SMC3: variants seen among roughly 807,000 people sequenced by gnomAD.
SMC3 encodes structural maintenance of chromosomes 3.
Under a neutral mutation model 171.8 loss-of-function variants are expected in SMC3, and 20 were observed. The ratio of observed to expected loss-of-function variants is 0.12; its 90% confidence interval spans 0.08 to 0.17. The LOEUF is 0.17. Ranked by LOEUF, SMC3 falls within the 10% of genes least tolerant of loss-of-function variation. The pLI, the probability that SMC3 is intolerant of heterozygous loss-of-function variation, is 1.00. For synonymous variants in SMC3, 464 were observed against 451.1 expected (o/e 1.03, Z -0.36); for missense variants, 543 against 1,420.4 (o/e 0.38, Z 9.93).
intron 2 of SMC3, among the ~76,000 whole-genome samples, chr10:110,572,817 C>T (rs929718085): frequency 2.6e-5 from 4 of 151,992 alleles, no homozygotes; most frequent in African/African-American, 7.3e-5. Flanking sequence ...TTTGGTAATT[C>T]TCCTCCTTCC....
chr10:110,601,034 C>T lies in SMC3; in HGVS notation c.2548C>T (p.Leu850=). 2 of 1,612,634 alleles carry T rather than the reference C, an allele frequency of 1.2e-6. No homozygotes were observed. Among genetic ancestry groups the T allele is most frequent in the Non-Finnish European group, 1.7e-6 (2 of 1,178,906 alleles). The change falls in exon 23 of 29, where the codon CTG becomes TTG. Residue 850 remains leucine (L), a synonymous_variant. Transcript: ENST00000361804. ...TTTTTTGTTACAGGAACTTAATGAG[C>T]TGAGAGAGACAGAAGGGGGTACTGT... ...LDQVEQELNE[L]RETEGGTVLT...
At chr10:110,595,501 G>GGGCA (rs1861286126) in intron 18 of SMC3, among the ~76,000 whole-genome samples, 1 of 152,166 alleles carries the variant, frequency 6.6e-6, no homozygotes, top group Non-Finnish European at 1.5e-5. Flanking sequence ...CGTTGTAAAG[G>GGGCA]TATCCCTTTG....
At chr10:110,595,731 C>T (rs893780657) in intron 18 of SMC3, among the ~76,000 whole-genome samples, 1 of 107,724 alleles carries the variant, frequency 9.3e-6, no homozygotes, top group Non-Finnish European at 2.0e-5. Context: ...AAAAGTATCA[C>T]TGTGATTCAT....
chr10:110,569,728 GC>G (rs767993618), intron 2 of SMC3, among the ~76,000 whole-genome samples: 10 of 152,180 alleles, frequency 6.6e-5, no homozygotes, highest in Non-Finnish European at 1.5e-4. Flanking sequence ...GTCTCATAGG[GC>G]TGTTGAGAAG....
chr10:110,573,909 T>C (rs922787142), intron 3 of SMC3, among the ~76,000 whole-genome samples, 164 bp downstream of exon 3: 1 of 152,164 alleles, frequency 6.6e-6, no homozygotes, highest in Non-Finnish European at 1.5e-5. Flanking sequence ...AGATCTGAAT[T>C]CTGCTTTATA....
At chr10:110,586,958 A>G (rs1861128427) in intron 13 of SMC3, among the ~76,000 whole-genome samples, 1 of 152,152 alleles carries the variant, frequency 6.6e-6, no homozygotes, top group Non-Finnish European at 1.5e-5. Flanking sequence ...CGCCCGGTGT[A>G]AATAGGCTTT....
intron 25 of SMC3, 136 bp from the exon 26 acceptor site, chr10:110,602,337 AC>A (rs1298292594): frequency 2.1e-6 from 2 of 952,166 alleles, no homozygotes; most frequent in Non-Finnish European, 3.3e-6. Context: ...TGAATGTTTT[AC>A]ACAGCCCTTA....
Position 110,602,007 on chromosome 10 carries a change from G to A in SMC3, c.2934G>A (p.Lys978=), listed in dbSNP as rs147463420. Residue 978 remains lysine (K), a synonymous_variant, in exon 25 of 29, where the codon AAG becomes AAA. Transcript: ENST00000361804. ...KLEQCNTELK[K]YSHVNKKALD... is the part of the protein sequence containing the mutation. The stretch of plus-strand genomic sequence containing the variant: ...AGCAGTGCAACACAGAATTAAAGAA[G>A]TACAGCCATGTTAACAAAAAGGCTT... The A allele has an allele frequency of 1.8e-3, 2,913 of 1,613,688 alleles. 4 individuals carry two copies. Among genetic ancestry groups the A allele is most frequent in the Non-Finnish European group, 2.2e-3 (2,593 of 1,179,922 alleles).
chr10:110,569,142 ATAACT>A (rs1175854362), intron 2 of SMC3, 129 bp downstream of exon 2: 3 of 708,184 alleles, frequency 4.2e-6, no homozygotes, highest in Non-Finnish European at 7.5e-6. Context: ...TCTGCGTGAA[ATAACT>A]TTTCTGTCTT....
Position 110,606,036 on chromosome 10 carries a change from TAATG to T in SMC3, c.*1737_*1740del, listed in dbSNP as rs1367466339. Among the ~76,000 whole-genome samples the T allele has an allele frequency of 2.6e-5, 4 of 152,204 alleles. No individual in the cohort carries two copies. The highest frequency in any genetic ancestry group is 4.4e-5 in the Non-Finnish European group (3 of 68,034). ...AATTTATAACAATAAAGCATCTAAA[TAATG>T]AAACAAAATTTTTGTAAAAGCCTAT... is the stretch of plus-strand genomic sequence containing the variant. On this transcript the variant is annotated 3_prime_UTR_variant, in exon 29 of 29. Coordinates refer to ENST00000361804, the MANE Select transcript of SMC3 (RefSeq NM_005445.4).
intron 17 of SMC3, among the ~76,000 whole-genome samples, chr10:110,592,472 A>C (rs1459107917): frequency 6.6e-6 from 1 of 152,026 alleles, no homozygotes; most frequent in Non-Finnish European, 1.5e-5. Flanking sequence ...ACTTAACTAC[A>C]TTTTTCTATA....
chr10:110,596,625 T>C, intron 19 of SMC3, 75 bp downstream of exon 19: 6 of 1,405,540 alleles, frequency 4.3e-6, no homozygotes, highest in Non-Finnish European at 5.8e-6. Context: ...ATATAATCTT[T>C]TGTTTTTTCA....
At chr10:110,600,950 C>A in intron 22 of SMC3, 72 bp from the exon 23 acceptor site, 1 of 1,084,262 alleles carries the variant, frequency 9.2e-7, no homozygotes, top group Non-Finnish European at 1.4e-6. Context: ...AATGTTTATT[C>A]AGACAATAGC....
chr10:110,573,970 A>G (rs1460917089), intron 3 of SMC3, among the ~76,000 whole-genome samples: 1 of 152,168 alleles, frequency 6.6e-6, no homozygotes, highest in East Asian at 1.9e-4. Flanking sequence ...TAGCCTCTCA[A>G]ATTTTTCTTT....
At chr10:110,582,288 T>A (rs1255870957) in intron 9 of SMC3, among the ~76,000 whole-genome samples, 190 bp downstream of exon 9, 1 of 152,220 alleles carries the variant, frequency 6.6e-6, no homozygotes, top group African/African-American at 2.4e-5. Context: ...TATATAGTAT[T>A]ATCTGAAATA....
chr10:110,595,385 T>G (rs941919584), intron 18 of SMC3, among the ~76,000 whole-genome samples: 21 of 152,326 alleles, frequency 1.4e-4, no homozygotes, highest in African/African-American at 4.6e-4. Context: ...CTCATCATTG[T>G]TTAAATATTG....
chr10:110,583,322 G>A lies in SMC3; in HGVS notation c.805-62G>A, dbSNP rs1861060359. ...AACATTAAGTGAAAGAGAATTAATG[G>A]TGTCACAATTCTGCTATTGTACTTC... On this transcript the variant is annotated intron_variant, in intron 10 of 28. Coordinates refer to ENST00000361804, the MANE Select transcript of SMC3 (RefSeq NM_005445.4). 3.9e-6 allele frequency: 5 copies of A among 1,277,172 alleles called. No individual in the cohort carries two copies. In the East Asian group the frequency reaches 9.2e-5, roughly 24 times the overall value. The allele number at this position is 1,277,172 out of a possible 1,614,324, so 79.1% of individuals were successfully genotyped here.
intron 18 of SMC3, among the ~76,000 whole-genome samples, chr10:110,595,815 G>C (rs905231532): frequency 2.0e-5 from 3 of 150,740 alleles, no homozygotes; most frequent in African/African-American, 4.9e-5. Context: ...TCCCAAATAT[G>C]GCCAGTGGAA....
chr10:110,581,084 G>C, intron 8 of SMC3, 63 bp downstream of exon 8: 1 of 873,488 alleles, frequency 1.1e-6, no homozygotes, highest in South Asian at 1.3e-5. Context: ...TGACAGAGTG[G>C]CTCCATGATG....
Sources: gnomAD v4.1 joint callset for allele counts (sites outside exome capture counted in the v4.1 genomes callset) on GRCh38, gnomAD v4.1.1 for gene constraint, MANE v1.5 for transcripts, NCBI Gene and HGNC (gene_info 2026-07-23, HGNC 2026-07-21) for gene names.